IL1RAPL2: variants seen among roughly 807,000 people sequenced by gnomAD.
IL1RAPL2 encodes the protein interleukin 1 receptor accessory protein like 2.
Under a neutral mutation model 44.1 loss-of-function variants are expected in IL1RAPL2, and 3 were observed. The observed-to-expected ratio is 0.07, with a 90% CI of 0.03 to 0.18. The LOEUF (loss-of-function observed/expected upper bound fraction) is 0.18, where lower values mean the gene tolerates loss of function less well. Among genes scored for constraint, IL1RAPL2 ranks in the 10% least tolerant of loss-of-function variants. IL1RAPL2 has a pLI of 1.00. For missense variants in IL1RAPL2, 391 were observed against 496.4 expected (o/e 0.79, Z 2.02); for synonymous variants, 181 against 178.8 (o/e 1.01, Z -0.10).
intron 5 of IL1RAPL2, among the ~76,000 whole-genome samples, chrX:105,367,183 C>T (rs962915519): frequency 9.0e-6 from 1 of 111,354 alleles, no homozygotes; most frequent in African/African-American, 3.3e-5. Context: ...TATGGAATAT[C>T]TTTTCAGTAC....
intron 2 of IL1RAPL2, among the ~76,000 whole-genome samples, chrX:105,075,748 A>T (rs1381965823): frequency 2.7e-5 from 3 of 111,709 alleles, no homozygotes; most frequent in Non-Finnish European, 3.8e-5. Context: ...CAGAGATTCA[A>T]CTTCATCCTG....
chrX:105,730,137 A>T (rs927597190), intron 7 of IL1RAPL2, among the ~76,000 whole-genome samples: 2 of 111,339 alleles, frequency 1.8e-5, no homozygotes, highest in African/African-American at 6.5e-5. Flanking sequence ...TCACCTGTAG[A>T]GACACATATA....
intron 5 of IL1RAPL2, among the ~76,000 whole-genome samples, chrX:105,355,409 C>T (rs1268541458): frequency 9.0e-6 from 1 of 111,390 alleles, no homozygotes; most frequent in African/African-American, 3.3e-5. Context: ...GGAGTGAAGC[C>T]TACACTGCCT....
chrX:105,262,246 T>C (rs181359942), intron 4 of IL1RAPL2, among the ~76,000 whole-genome samples: 186 of 111,730 alleles, frequency 1.7e-3, no homozygotes, highest in Non-Finnish European at 2.8e-3. Context: ...AGGATAGTAT[T>C]GATGACTTCT....
Position 105,081,293 on chromosome X carries a change from G to T in IL1RAPL2, c.83-114182G>T, listed in dbSNP as rs1029827762. Among the ~76,000 whole-genome samples the T allele has an allele frequency of 2.7e-5, 3 of 111,508 alleles. No homozygotes were observed. In the East Asian group the frequency reaches 8.4e-4, roughly 31 times the overall value. ...GTGAGAGACTGCATCCTTGTCTTCT[G>T]CTGGTTTTCAAAGGGAATGCTTCCA... On this transcript the variant is annotated intron_variant, in intron 2 of 10. Transcript: ENST00000372582.
chrX:105,304,268 T>A (rs1603054996), intron 5 of IL1RAPL2, among the ~76,000 whole-genome samples: 1 of 112,668 alleles, frequency 8.9e-6, no homozygotes. Context: ...GGAGGGAACC[T>A]CCAATCCATC....
chrX:105,012,229 G>A (rs756458997), intron 2 of IL1RAPL2, among the ~76,000 whole-genome samples: 1 of 111,118 alleles, frequency 9.0e-6, no homozygotes, highest in South Asian at 3.8e-4. Flanking sequence ...AATGGTGTCT[G>A]AATCTGTGCA....
At chrX:105,435,983 C>T (rs2035879624) in intron 5 of IL1RAPL2, among the ~76,000 whole-genome samples, 1 of 110,780 alleles carries the variant, frequency 9.0e-6, no homozygotes. Context: ...GTGCAGCAAA[C>T]CACCGTGGCA....
chrX:104,889,876 T>A (rs986280678), intron 2 of IL1RAPL2, among the ~76,000 whole-genome samples: 1 of 111,535 alleles, frequency 9.0e-6, no homozygotes, highest in Non-Finnish European at 1.9e-5. Flanking sequence ...GGTATACATG[T>A]GTCATGTTGG....
chrX:105,655,009 A>C (rs2037668046), intron 6 of IL1RAPL2, among the ~76,000 whole-genome samples: 1 of 112,300 alleles, frequency 8.9e-6, no homozygotes, highest in Middle Eastern at 4.2e-3. Flanking sequence ...TTTTCAAGAA[A>C]TTTTAGATTT....
chrX:105,485,873 G>T (rs888699689), intron 6 of IL1RAPL2, among the ~76,000 whole-genome samples: 2 of 111,831 alleles, frequency 1.8e-5, no homozygotes, highest in East Asian at 2.8e-4. Context: ...GGACACTTAG[G>T]TTGCTTCCAA....
At chrX:104,883,606 C>T in intron 2 of IL1RAPL2, among the ~76,000 whole-genome samples, 1 of 111,596 alleles carries the variant, frequency 9.0e-6, no homozygotes, top group Middle Eastern at 4.6e-3. Context: ...CTTGCCTCTT[C>T]TTTGAGGCTA....
At chrX:104,899,063 G>A (rs1002543684) in intron 2 of IL1RAPL2, among the ~76,000 whole-genome samples, 17 of 111,957 alleles carry the variant, frequency 1.5e-4, no homozygotes, top group East Asian at 5.6e-4. Context: ...CATTACACAG[G>A]AGGTTATGGT....
At chrX:105,585,071 G>A (rs969107133) in intron 6 of IL1RAPL2, among the ~76,000 whole-genome samples, 1 of 109,265 alleles carries the variant, frequency 9.2e-6, no homozygotes, top group South Asian at 3.9e-4. Context: ...TTAATTCCTG[G>A]AGATTCTGCT....
intron 10 of IL1RAPL2, among the ~76,000 whole-genome samples, chrX:105,756,392 T>G (rs1003236094): frequency 9.0e-6 from 1 of 111,660 alleles, no homozygotes; most frequent in African/African-American, 3.3e-5. Context: ...AACCTAGATT[T>G]ATTTGACTTT....
chrX:105,752,610 G>C (rs748330315), intron 9 of IL1RAPL2, among the ~76,000 whole-genome samples: 1 of 112,009 alleles, frequency 8.9e-6, no homozygotes, highest in Non-Finnish European at 1.9e-5. Context: ...TAGAAAAGTG[G>C]TGCTGCTGAA....
intron 1 of IL1RAPL2, among the ~76,000 whole-genome samples, chrX:104,590,934 G>C (rs1352390758): frequency 1.8e-5 from 2 of 111,514 alleles, no homozygotes; most frequent in African/African-American, 6.5e-5. Flanking sequence ...ACAGGTAATG[G>C]AACACATTGA....
intron 6 of IL1RAPL2, among the ~76,000 whole-genome samples, chrX:105,642,072 A>C (rs2037573249): frequency 9.0e-6 from 1 of 110,692 alleles, no homozygotes; most frequent in South Asian, 3.9e-4. Context: ...AAGAAGGGCA[A>C]AACGTGTTAC....
At chrX:105,040,170 T>G (rs1352433365) in intron 2 of IL1RAPL2, among the ~76,000 whole-genome samples, 1 of 111,730 alleles carries the variant, frequency 9.0e-6, no homozygotes, top group Non-Finnish European at 1.9e-5. Flanking sequence ...TCTGTTTATA[T>G]GCTGGATTAT....
Sources: allele counts gnomAD v4.1 joint callset (sites outside exome capture counted in the v4.1 genomes callset), GRCh38; gene constraint gnomAD v4.1.1; transcripts MANE v1.5; gene names NCBI Gene and HGNC (gene_info 2026-07-23, HGNC 2026-07-21).